GALNT1: variants seen among roughly 807,000 people sequenced by gnomAD.
GALNT1 encodes GalNAc transferase 1.
In GALNT1, 17 loss-of-function variants were observed where a neutral mutation model predicts 65.7. The ratio of observed to expected loss-of-function variants is 0.26; its 90% CI spans 0.18 to 0.39. The LOEUF is 0.39. GALNT1 is among the 10% of genes least tolerant of loss of function. The probability of loss-of-function intolerance (pLI) is 1.00; values close to 1 mark genes in which losing one functional copy is unlikely to be tolerated. For synonymous variants in GALNT1, 210 were observed against 219.7 expected (o/e 0.96, Z 0.39); for missense variants, 460 against 672.8 (o/e 0.68, Z 3.50).
At position 35,706,083 on chromosome 18, in the gene GALNT1, G is replaced by A. The variant is rs542344832; in HGVS notation, c.1533+2440G>A. On this transcript the variant is annotated intron_variant, in intron 11 of 11. Transcript: ENST00000269195. ...AAAGCAAGTCTTTGGTTTTCTAGTCGTTAGAGTGTGAGATGGCCAAGAGAT... is the reference window on the plus strand; with the variant it reads ...AAAGCAAGTCTTTGGTTTTCTAGTCATTAGAGTGTGAGATGGCCAAGAGAT... 2.3e-4 allele frequency among the ~76,000 whole-genome samples: 35 copies of A among 152,334 alleles called. No homozygotes were observed. In the South Asian group the frequency reaches 6.2e-3, roughly 27 times the overall value.
At position 35,686,785 on chromosome 18, in the gene GALNT1, C is replaced by T. The variant is rs187716702; in HGVS notation, c.690-231C>T. On this transcript the variant is annotated intron_variant, in intron 5 of 11. Coordinates refer to ENST00000269195, the MANE Select transcript of GALNT1 (RefSeq NM_020474.4). Reference sequence around the variant, plus strand: ...TGAGTGTGGTGTTATGTGATCCCAGCCGTGGTCCCAGCTACTCAGGAAGCT... The same window carrying T: ...TGAGTGTGGTGTTATGTGATCCCAGTCGTGGTCCCAGCTACTCAGGAAGCT... 2.6e-5 allele frequency among the ~76,000 whole-genome samples: 4 copies of T among 152,198 alleles called. No individual in the cohort carries two copies. In the East Asian group the frequency reaches 7.7e-4, roughly 29 times the overall value.
At chr18:35,624,740 C>T (rs1002945399) in intron 1 of GALNT1, among the ~76,000 whole-genome samples, 3 of 152,138 alleles carry the variant, frequency 2.0e-5, no homozygotes, top group Non-Finnish European at 2.9e-5. Context: ...TAATTCTCAA[C>T]ATATTTGCTC....
At chr18:35,684,095 G>T (rs769515427) in intron 5 of GALNT1, among the ~76,000 whole-genome samples, 40 of 152,184 alleles carry the variant, frequency 2.6e-4, no homozygotes, top group Non-Finnish European at 5.3e-4. Context: ...GAACACCTGT[G>T]GTTATAGTTT....
chr18:35,609,759 T>C (rs1040649363), intron 1 of GALNT1, among the ~76,000 whole-genome samples: 1 of 152,158 alleles, frequency 6.6e-6, no homozygotes, highest in East Asian at 1.9e-4. Context: ...TTGATTGTAA[T>C]CAACTGCCCA....
intron 3 of GALNT1, among the ~76,000 whole-genome samples, chr18:35,670,607 C>G (rs755847880): frequency 2.0e-5 from 3 of 152,208 alleles, no homozygotes; most frequent in Non-Finnish European, 4.4e-5. Context: ...CAGTGCCAAT[C>G]ATAACCACGT....
chr18:35,662,394 T>C (rs906926994), intron 2 of GALNT1, among the ~76,000 whole-genome samples: 2 of 152,244 alleles, frequency 1.3e-5, no homozygotes, highest in Non-Finnish European at 2.9e-5. Context: ...ATGCACACTT[T>C]TTTCATCATC....
chr18:35,644,393 G>A (rs1598793379), intron 1 of GALNT1, among the ~76,000 whole-genome samples: 1 of 152,252 alleles, frequency 6.6e-6, no homozygotes, highest in African/African-American at 2.4e-5. Context: ...AGAAGTATTG[G>A]CCTGAACACT....
intron 3 of GALNT1, among the ~76,000 whole-genome samples, chr18:35,668,188 A>G (rs2047576346): frequency 6.6e-6 from 1 of 152,216 alleles, no homozygotes; most frequent in Non-Finnish European, 1.5e-5. Context: ...GAAGAGTGGA[A>G]ACTTAAAACT....
At chr18:35,683,223 T>C (rs2047812831) in intron 4 of GALNT1, among the ~76,000 whole-genome samples, 168 bp from the exon 5 acceptor site, 1 of 152,206 alleles carries the variant, frequency 6.6e-6, no homozygotes, top group African/African-American at 2.4e-5. Context: ...GTCCATTCTC[T>C]TGGGGAATAT....
At chr18:35,687,525 G>A (rs544337064) in intron 6 of GALNT1, among the ~76,000 whole-genome samples, 1 of 152,200 alleles carries the variant, frequency 6.6e-6, no homozygotes, top group East Asian at 1.9e-4. Flanking sequence ...AATTGTGTCA[G>A]TATGTGAAGA....
intron 3 of GALNT1, among the ~76,000 whole-genome samples, chr18:35,666,986 T>A (rs993140798): frequency 6.6e-6 from 1 of 152,180 alleles, no homozygotes; most frequent in Non-Finnish European, 1.5e-5. Flanking sequence ...ATGGAAAATT[T>A]CAAATGTATA....
intron 1 of GALNT1, among the ~76,000 whole-genome samples, chr18:35,610,261 G>A (rs1490502583): frequency 1.3e-5 from 2 of 152,178 alleles, no homozygotes; most frequent in African/African-American, 4.8e-5. Flanking sequence ...GGATCTTCCT[G>A]TGTCTGGCTC....
chr18:35,605,637 T>G (rs1257082531), intron 1 of GALNT1, among the ~76,000 whole-genome samples: 2 of 152,106 alleles, frequency 1.3e-5, no homozygotes, highest in East Asian at 3.9e-4. Flanking sequence ...TCCCTGTTTC[T>G]TCCTTTTTTT....
chr18:35,617,903 T>C (rs571886649), intron 1 of GALNT1, among the ~76,000 whole-genome samples: 1 of 152,304 alleles, frequency 6.6e-6, no homozygotes, highest in Non-Finnish European at 1.5e-5. Flanking sequence ...ATACCTATTT[T>C]AAAAATTATT....
intron 3 of GALNT1, among the ~76,000 whole-genome samples, chr18:35,676,149 G>A (rs1211504126): frequency 6.6e-6 from 1 of 152,100 alleles, no homozygotes; most frequent in Admixed American, 6.6e-5. Flanking sequence ...AGGCTGTGTG[G>A]GCCTTCTTGT....
chr18:35,653,911 C>T (rs953681058), intron 1 of GALNT1, among the ~76,000 whole-genome samples: 1 of 152,144 alleles, frequency 6.6e-6, no homozygotes, highest in African/African-American at 2.4e-5. Flanking sequence ...ATACTTTCCA[C>T]GAATCTGTTT....
intron 1 of GALNT1, among the ~76,000 whole-genome samples, chr18:35,587,922 G>A (rs2046397382): frequency 6.6e-6 from 1 of 152,024 alleles, no homozygotes; most frequent in South Asian, 2.1e-4. Flanking sequence ...TGTTGAAGAG[G>A]GCTGTTGAGA....
chr18:35,611,113 A>G (rs985641322), intron 1 of GALNT1, among the ~76,000 whole-genome samples: 4 of 152,198 alleles, frequency 2.6e-5, no homozygotes, highest in African/African-American at 9.7e-5. Flanking sequence ...ATGATTTTCA[A>G]ACTTTTTAGT....
chr18:35,614,354 A>G (rs1382893806), intron 1 of GALNT1, among the ~76,000 whole-genome samples: 1 of 152,162 alleles, frequency 6.6e-6, no homozygotes, highest in Non-Finnish European at 1.5e-5. Flanking sequence ...AAACCATATC[A>G]TCCTAAAATA....
Sources: gnomAD v4.1 joint callset for allele counts (sites outside exome capture counted in the v4.1 genomes callset) on GRCh38, gnomAD v4.1.1 for gene constraint, MANE v1.5 for transcripts, NCBI Gene and HGNC (gene_info 2026-07-23, HGNC 2026-07-21) for gene names.